The following GRIN2B variants were observed in gnomAD, a reference collection of about 807,000 sequenced individuals.
GRIN2B encodes the protein glutamate receptor ionotropic, NMDA 2B.
A neutral mutation model predicts 114.5 loss-of-function variants in GRIN2B; 5 were observed. That is an observed-to-expected ratio of 0.04 (90% CI 0.02 to 0.09). The LOEUF is 0.09. Ranked by LOEUF, GRIN2B falls within the 10% of genes least tolerant of loss-of-function variation. The pLI, the probability that GRIN2B is intolerant of heterozygous loss-of-function variation, is 1.00. For synonymous variants in GRIN2B, 787 were observed against 745.1 expected (o/e 1.06, Z -0.92); for missense variants, 1,108 against 1,943.5 (o/e 0.57, Z 8.08).
At chr12:13,819,858 T>G (rs1864899870) in intron 3 of GRIN2B, among the ~76,000 whole-genome samples, 1 of 152,178 alleles carries the variant, frequency 6.6e-6, no homozygotes, top group Non-Finnish European at 1.5e-5. Context: ...CTTAATAAAA[T>G]GAAATCCAGA....
At chr12:13,729,806 G>A (rs946028956) in intron 4 of GRIN2B, among the ~76,000 whole-genome samples, 1 of 125,032 alleles carries the variant, frequency 8.0e-6, no homozygotes, top group Admixed American at 9.5e-5. Context: ...GCGAGACAAA[G>A]AGGAAGCCAT....
chr12:13,631,630 G>T (rs1028090204), intron 5 of GRIN2B, among the ~76,000 whole-genome samples: 15 of 152,212 alleles, frequency 9.9e-5, no homozygotes, highest in Admixed American at 1.3e-4. Flanking sequence ...AAACTGACAT[G>T]TTAAGATGCC....
rs1370800480 is a variant in GRIN2B at position 13,558,609 on chromosome 12, T to G, written c.*4174A>C. The G allele has an allele frequency of 6.6e-6, 1 of 152,224 alleles. No individual in the cohort carries two copies. The highest frequency in any genetic ancestry group is 2.4e-5 in the African/African-American group (1 of 41,468). The allele number at this position is 152,224 out of a possible 1,614,324, so 9.4% of individuals were successfully genotyped here. On this transcript the variant is annotated 3_prime_UTR_variant, in exon 14 of 14. Coordinates refer to ENST00000609686, the MANE Select transcript of GRIN2B (RefSeq NM_000834.5). ...ACCGGGTGAGTGATAGTCACTTAAC[T>G]GTATAGACAACTCCTACTGTATCAT...
At chr12:13,616,966 T>A (rs1949451860) in intron 5 of GRIN2B, among the ~76,000 whole-genome samples, 1 of 152,212 alleles carries the variant, frequency 6.6e-6, no homozygotes, top group African/African-American at 2.4e-5. Context: ...TTCATGAAGC[T>A]CACAGTGAGT....
intron 2 of GRIN2B, among the ~76,000 whole-genome samples, chr12:13,948,792 G>T (rs1169948892): frequency 6.6e-6 from 1 of 152,160 alleles, no homozygotes; most frequent in Non-Finnish European, 1.5e-5. Flanking sequence ...CACCCGGAAT[G>T]TAAGGAAGGT....
intron 2 of GRIN2B, among the ~76,000 whole-genome samples, chr12:13,888,682 C>G (rs894106494): frequency 6.6e-6 from 1 of 150,740 alleles, no homozygotes; most frequent in Non-Finnish European, 1.5e-5. Context: ...TGTAGAGAGC[C>G]GAGATCGCAC....
intron 2 of GRIN2B, among the ~76,000 whole-genome samples, chr12:13,897,249 C>T (rs939515866): frequency 6.6e-6 from 1 of 152,138 alleles, no homozygotes; most frequent in African/African-American, 2.4e-5. Context: ...CGCGGGGAGA[C>T]TAGGGCCCAG....
intron 3 of GRIN2B, among the ~76,000 whole-genome samples, chr12:13,826,914 T>C (rs1027768721): frequency 1.4e-5 from 2 of 147,990 alleles, no homozygotes; most frequent in Admixed American, 1.3e-4. Flanking sequence ...TTACCTCAGC[T>C]TTTTTTTTCC....
At chr12:13,758,516 T>C (rs1193275397) in intron 3 of GRIN2B, among the ~76,000 whole-genome samples, 1 of 152,232 alleles carries the variant, frequency 6.6e-6, no homozygotes, top group Non-Finnish European at 1.5e-5. Flanking sequence ...ATTATTGGGC[T>C]CAATATAAGA....
intron 2 of GRIN2B, among the ~76,000 whole-genome samples, chr12:13,971,170 C>T (rs563112071): frequency 6.6e-6 from 1 of 152,302 alleles, no homozygotes; most frequent in South Asian, 2.1e-4. Flanking sequence ...ATATTTAGTG[C>T]CTCACACCAC....
rs186694309 is a variant in GRIN2B, at chr12:13,976,556, T to C, written c.-19+3372A>G. On this transcript the variant is annotated intron_variant, in intron 2 of 13. Transcript: ENST00000609686. ...ATCGTTTGGAACAACAGTTTTCCCA[T>C]CTTTAGAATGGTGAGTTCAACCCTG... is the stretch of plus-strand genomic sequence containing the variant. Among the ~76,000 whole-genome samples, 10 of 152,314 alleles carry C rather than the reference T, an allele frequency of 6.6e-5. No individual in the cohort carries two copies. In the East Asian group the frequency reaches 1.9e-3, roughly 29 times the overall value.
intron 4 of GRIN2B, among the ~76,000 whole-genome samples, chr12:13,703,782 T>C (rs1950333477): frequency 6.6e-6 from 1 of 152,198 alleles, no homozygotes; most frequent in Non-Finnish European, 1.5e-5. Flanking sequence ...TTGACCACCA[T>C]GGGATCCTTT....
chr12:13,589,122 T>C (rs1311245989), intron 10 of GRIN2B, among the ~76,000 whole-genome samples: 1 of 152,236 alleles, frequency 6.6e-6, no homozygotes, highest in African/African-American at 2.4e-5. Context: ...TGTCCTGTAT[T>C]CTTATTTGCT....
rs1948453005 is a variant in GRIN2B at position 13,554,392 on chromosome 12, G to A, written c.*8391C>T. Reference sequence around the variant, plus strand: ...CTTTGAAGACTTATATAGAGGGAATGGATATTATTCAAGAAGGGAGTGAGA... The same window carrying A: ...CTTTGAAGACTTATATAGAGGGAATAGATATTATTCAAGAAGGGAGTGAGA... On this transcript the variant is annotated 3_prime_UTR_variant, in exon 14 of 14. Transcript: ENST00000609686. The A allele has an allele frequency of 6.6e-6, 1 of 152,128 alleles. No individual in the cohort carries two copies. Among genetic ancestry groups the A allele is most frequent in the Admixed American group, 6.5e-5 (1 of 15,270 alleles). 9.4% of individuals were successfully genotyped at this position (152,128 alleles called of 1,614,324 possible). A position where few individuals can be genotyped will look rare whatever the true frequency, so the allele number is the denominator to read the frequency against.
chr12:13,951,114 A>G (rs748750089), intron 2 of GRIN2B, among the ~76,000 whole-genome samples: 103 of 152,348 alleles, frequency 6.8e-4, no homozygotes, highest in Non-Finnish European at 1.3e-3. Flanking sequence ...TTGAACTTCA[A>G]TGATAAATAT....
At chr12:13,943,639 T>C (rs1386564168) in intron 2 of GRIN2B, among the ~76,000 whole-genome samples, 5 of 152,192 alleles carry the variant, frequency 3.3e-5, no homozygotes, top group Non-Finnish European at 7.3e-5. Context: ...GTCTTTGTAT[T>C]TGTTGTTTCC....
intron 5 of GRIN2B, among the ~76,000 whole-genome samples, chr12:13,663,967 A>C (rs1949950064): frequency 1.3e-5 from 2 of 152,242 alleles, no homozygotes; most frequent in Non-Finnish European, 2.9e-5. Flanking sequence ...ACAAAATTAA[A>C]ACTTTACAGT....
chr12:13,801,448 C>T (rs1163951985), intron 3 of GRIN2B, among the ~76,000 whole-genome samples: 8 of 152,124 alleles, frequency 5.3e-5, no homozygotes, highest in Admixed American at 4.6e-4. Flanking sequence ...CAAGAGAGTA[C>T]ATCTAGGAGG....
chr12:13,715,721 T>A (rs1055407704), intron 4 of GRIN2B, among the ~76,000 whole-genome samples: 11 of 151,940 alleles, frequency 7.2e-5, no homozygotes, highest in Admixed American at 6.6e-4. Context: ...ATCTTTCAAA[T>A]GAGTATTTTA....
Sources: allele counts gnomAD v4.1 joint callset (sites outside exome capture counted in the v4.1 genomes callset), GRCh38; gene constraint gnomAD v4.1.1; transcripts MANE v1.5; gene names NCBI Gene and HGNC (gene_info 2026-07-23, HGNC 2026-07-21).